NRXN3: variants seen among roughly 807,000 people sequenced by gnomAD.
NRXN3 encodes the protein neurexin 3, also known as neurexin III.
In NRXN3, 32 loss-of-function variants were observed where a neutral mutation model predicts 137.6. The observed-to-expected ratio is 0.23, with a 90% CI of 0.18 to 0.31. The LOEUF (loss-of-function observed/expected upper bound fraction) is 0.31, where lower values mean the gene tolerates loss of function less well. Ranked by LOEUF, NRXN3 falls within the 10% of genes least tolerant of loss-of-function variation. The pLI, the probability that NRXN3 is intolerant of heterozygous loss-of-function variation, is 1.00. For missense variants in NRXN3, 1,574 were observed against 2,062.5 expected (o/e 0.76, Z 4.59); for synonymous variants, 798 against 784.5 (o/e 1.02, Z -0.29).
chr14:79,251,471 C>T (rs1374980946), intron 15 of NRXN3, among the ~76,000 whole-genome samples: 2 of 151,966 alleles, frequency 1.3e-5, no homozygotes, highest in Non-Finnish European at 2.9e-5. Context: ...CAGTATACAA[C>T]GTACAATAAG....
At chr14:79,743,450 T>C (rs1413469480) in intron 19 of NRXN3, among the ~76,000 whole-genome samples, 1 of 152,202 alleles carries the variant, frequency 6.6e-6, no homozygotes, top group Non-Finnish European at 1.5e-5. Context: ...AAATAACTTC[T>C]CAAGTGACTG....
At chr14:79,750,045 T>C (rs897158131) in intron 19 of NRXN3, among the ~76,000 whole-genome samples, 1 of 152,180 alleles carries the variant, frequency 6.6e-6, no homozygotes, top group Non-Finnish European at 1.5e-5. Flanking sequence ...TCAGTTTGTA[T>C]GTCTCATGAT....
At chr14:79,005,874 TACTC>T (rs779675377) in intron 15 of NRXN3, among the ~76,000 whole-genome samples, 1 of 152,224 alleles carries the variant, frequency 6.6e-6, no homozygotes, top group Non-Finnish European at 1.5e-5. Flanking sequence ...GTGGGTTTCT[TACTC>T]TCTTTCCTTT....
At chr14:79,455,779 TA>T (rs2096249569) in intron 15 of NRXN3, among the ~76,000 whole-genome samples, 1 of 151,938 alleles carries the variant, frequency 6.6e-6, no homozygotes, top group Non-Finnish European at 1.5e-5. Flanking sequence ...TAGAGGTTTA[TA>T]TATTTTCTTT....
intron 19 of NRXN3, among the ~76,000 whole-genome samples, chr14:79,797,449 A>G (rs1454648947): frequency 1.3e-5 from 2 of 152,206 alleles, no homozygotes; most frequent in African/African-American, 2.4e-5. Flanking sequence ...TACAAGGGTC[A>G]CCTTAGATAG....
chr14:79,268,448 T>C (rs1473375798), intron 15 of NRXN3, among the ~76,000 whole-genome samples: 1 of 152,196 alleles, frequency 6.6e-6, no homozygotes, highest in African/African-American at 2.4e-5. Context: ...CAGATCCAGG[T>C]TGCCTTTTTC....
At chr14:78,549,576 A>G (rs1273039057) in intron 4 of NRXN3, among the ~76,000 whole-genome samples, 1 of 152,206 alleles carries the variant, frequency 6.6e-6, no homozygotes, top group Non-Finnish European at 1.5e-5. Context: ...CTCAGCCTCT[A>G]GCTGTGAATG....
chr14:78,704,327 T>G (rs1457455903), intron 6 of NRXN3, among the ~76,000 whole-genome samples: 1 of 152,034 alleles, frequency 6.6e-6, no homozygotes, highest in Non-Finnish European at 1.5e-5. Flanking sequence ...AGTACCAGAG[T>G]AGCCAGGGAA....
At chr14:79,565,267 G>GTGTGTGTATACATATACGCACA (rs1316324499) in intron 16 of NRXN3, among the ~76,000 whole-genome samples, 1 of 10,130 alleles carries the variant, frequency 9.9e-5, no homozygotes, top group African/African-American at 7.0e-4. Context: ...ATATACACAT[G>GTGTGTGTATACATATACGCACA]TGTGTGTGTA....
chr14:78,520,243 G>C (rs926769777), intron 4 of NRXN3, among the ~76,000 whole-genome samples: 1 of 152,194 alleles, frequency 6.6e-6, no homozygotes, highest in Non-Finnish European at 1.5e-5. Flanking sequence ...AACCTGCACA[G>C]ACCCTGGATG....
chr14:79,131,305 G>T (rs931428958), intron 15 of NRXN3, among the ~76,000 whole-genome samples: 6 of 151,954 alleles, frequency 3.9e-5, no homozygotes, highest in African/African-American at 1.2e-4. Context: ...CCATCTTTGT[G>T]GTTTTATCTA....
At chr14:79,030,458 A>T (rs1157141072) in intron 15 of NRXN3, among the ~76,000 whole-genome samples, 1 of 151,820 alleles carries the variant, frequency 6.6e-6, no homozygotes, top group Admixed American at 6.6e-5. Context: ...CCTCCTCTCC[A>T]CCCTCAAGGG....
intron 4 of NRXN3, chr14:78,300,681 T>C (rs759867994): frequency 5.9e-6 from 9 of 1,530,502 alleles, no homozygotes; most frequent in South Asian, 3.6e-5. Context: ...TTTCTGTAGG[T>C]AGAAGTAAAG....
intron 15 of NRXN3, among the ~76,000 whole-genome samples, chr14:79,255,530 A>G (rs1036896723): frequency 6.6e-6 from 1 of 152,254 alleles, no homozygotes; most frequent in Non-Finnish European, 1.5e-5. Flanking sequence ...TCTTTGTAAA[A>G]TGGGAAAAAA....
At chr14:78,238,447 G>C (rs2066636791) in intron 1 of NRXN3, among the ~76,000 whole-genome samples, 1 of 152,170 alleles carries the variant, frequency 6.6e-6, no homozygotes, top group Admixed American at 6.5e-5. Flanking sequence ...GGGCTCCCTG[G>C]CTCCCGTTTT....
In NRXN3 at chr14:78,243,257, T is replaced by G. The variant is rs1364259008; in HGVS notation, c.164T>G (p.Phe55Cys). ...ASTRSDLSFQ[F>C]KTNVSTGLLL... ...ACACGCAGTGACCTGAGTTTCCAGT[T>G]CAAGACCAACGTCTCTACGGGGCTG... Residue 55 changes from phenylalanine to cysteine, a missense_variant, in exon 2 of 21, where the codon TTC becomes TGC. Around this residue, in one of 5 missense-constraint regions of NRXN3, gnomAD observed 400 missense variants for 527.3 expected, o/e 0.76. Transcript: ENST00000335750. This position sits in a 1 kb window ranked among gnomAD's most constrained non-coding sequence, Gnocchi z 4.2. 1 of 1,558,740 alleles carries G rather than the reference T, an allele frequency of 6.4e-7. No homozygotes were observed. Among genetic ancestry groups the G allele is most frequent in the Non-Finnish European group, 8.6e-7 (1 of 1,159,878 alleles).
At chr14:79,471,036 T>C (rs2096500184) in intron 16 of NRXN3, among the ~76,000 whole-genome samples, 1 of 151,674 alleles carries the variant, frequency 6.6e-6, no homozygotes, top group South Asian at 2.1e-4. Flanking sequence ...TTTGTATTTT[T>C]TTAACTTTCA....
At chr14:79,314,372 C>T (rs866347911) in intron 15 of NRXN3, among the ~76,000 whole-genome samples, 30 of 52,336 alleles carry the variant, frequency 5.7e-4, no homozygotes, top group Middle Eastern at 5.2e-3. Flanking sequence ...TAAGAAACGG[C>T]GCACCACGAG....
chr14:79,732,030 A>G (rs184464085), intron 19 of NRXN3, among the ~76,000 whole-genome samples: 155 of 152,186 alleles, frequency 1.0e-3, no homozygotes, highest in Non-Finnish European at 1.6e-3. Context: ...CTATAGATAT[A>G]GAAATACAAA....
Sources: gnomAD v4.1 joint callset for allele counts (sites outside exome capture counted in the v4.1 genomes callset) on GRCh38, gnomAD v4.1.1 for gene constraint, gnomAD v4.1.1 regional missense constraint, Gnocchi (gnomAD v3.1) non-coding constraint, MANE v1.5 for transcripts, NCBI Gene and HGNC (gene_info 2026-07-23, HGNC 2026-07-21) for gene names.